The following BPHL variants were observed in gnomAD, a reference collection of about 807,000 sequenced individuals.
BPHL encodes the protein biphenyl hydrolase like.
In BPHL, 27 loss-of-function variants were observed where a neutral mutation model predicts 31.2. The observed-to-expected ratio is 0.87, with a 90% CI of 0.64 to 1.19. The LOEUF (loss-of-function observed/expected upper bound fraction) is 1.19. BPHL is among the 50% of genes most tolerant of loss of function. The probability of loss-of-function intolerance (pLI) is 0.00; values close to 1 mark genes in which losing one functional copy is unlikely to be tolerated. For missense variants in BPHL, 356 were observed against 375.7 expected (o/e 0.95, Z 0.43); for synonymous variants, 150 against 146.8 (o/e 1.02, Z -0.16).
chr6:3,134,983 C>T (rs537947471), intron 4 of BPHL, among the ~76,000 whole-genome samples: 13 of 152,060 alleles, frequency 8.5e-5, no homozygotes, highest in African/African-American at 2.9e-4. Flanking sequence ...GTAATCCACC[C>T]ACCTCAACCT....
intron 5 of BPHL, among the ~76,000 whole-genome samples, chr6:3,137,696 C>T (rs949180368): frequency 6.6e-6 from 1 of 152,172 alleles, no homozygotes; most frequent in Non-Finnish European, 1.5e-5. Flanking sequence ...GGTAGGACTG[C>T]GTGTCCAAAG....
intron 6 of BPHL, among the ~76,000 whole-genome samples, chr6:3,151,569 C>A (rs954808557): frequency 8.5e-5 from 13 of 152,122 alleles, no homozygotes; most frequent in Admixed American, 2.0e-4. Context: ...GTCAGCCCCC[C>A]AGTATTGAAA....
intron 4 of BPHL, among the ~76,000 whole-genome samples, chr6:3,129,906 A>G (rs1223211007): frequency 1.3e-5 from 2 of 149,804 alleles, no homozygotes. Flanking sequence ...TCCTGGATTC[A>G]AGCGATTCTC....
At chr6:3,148,788 A>T (rs1161837912) in intron 6 of BPHL, among the ~76,000 whole-genome samples, 1 of 152,228 alleles carries the variant, frequency 6.6e-6, no homozygotes, top group Non-Finnish European at 1.5e-5. Context: ...TTTCAAAAAC[A>T]GTGTGGTCTG....
intron 1 of BPHL, among the ~76,000 whole-genome samples, chr6:3,121,592 C>T (rs773218377): frequency 4.6e-5 from 7 of 152,130 alleles, no homozygotes; most frequent in Non-Finnish European, 7.3e-5. Flanking sequence ...ATCGGGATTA[C>T]AGGTGTGAGC....
chr6:3,146,276 AGT>A (rs1762355032), intron 6 of BPHL, among the ~76,000 whole-genome samples: 1 of 45,610 alleles, frequency 2.2e-5, no homozygotes, highest in African/African-American at 8.2e-5. Flanking sequence ...TTCGGGTCGG[AGT>A]GCTGGTTCGG....
upstream of BPHL, chr6:3,118,499 G>T: frequency 2.8e-6 from 1 of 358,496 alleles, no homozygotes; most frequent in Non-Finnish European, 5.0e-6. Context: ...AGCCAGCACC[G>T]AGAGGGGACG....
At chr6:3,148,115 C>A (rs763480571) in intron 6 of BPHL, among the ~76,000 whole-genome samples, 5 of 152,218 alleles carry the variant, frequency 3.3e-5, no homozygotes, top group Non-Finnish European at 7.3e-5. Context: ...GTAGCCCAGT[C>A]AAGTTGACAC....
In BPHL at chr6:3,140,277, G is replaced by A. The variant is rs1762135372; in HGVS notation, c.665-109G>A. The A allele has an allele frequency of 2.1e-5, 29 of 1,412,992 alleles. No homozygotes were observed. The South Asian group carries it at 3.7e-4, about 18-fold the overall frequency. The allele number at this position is 1,412,992 out of a possible 1,614,324, so 87.5% of individuals were successfully genotyped here. Reference sequence around the variant, plus strand: ...TCAAATCCAAAACACAGTTTTTACGGATAGGGAAACTGAGGGCCAAGGAGG... The same window carrying A: ...TCAAATCCAAAACACAGTTTTTACGAATAGGGAAACTGAGGGCCAAGGAGG... On this transcript the variant is annotated intron_variant, in intron 5 of 6. Transcript: ENST00000380379. The surrounding 1 kb of genome is among the most constrained non-coding windows in gnomAD (Gnocchi z 5.2).
chr6:3,153,568 C>A lies in BPHL; in HGVS notation c.*993C>A. The A allele has an allele frequency of 1.9e-6, 1 of 515,954 alleles. No homozygotes were observed. The highest frequency in any genetic ancestry group is 3.4e-6 in the Non-Finnish European group (1 of 295,052). The allele number at this position is 515,954 out of a possible 1,614,324, so 32.0% of individuals were successfully genotyped here. ...GCTATTAAAATTAAACTTTGATTAC[C>A]ACAATAAAAACAGTAGCAAGTTAAA... On this transcript the variant is annotated 3_prime_UTR_variant, in exon 7 of 7. Coordinates refer to ENST00000380379, the MANE Select transcript of BPHL (RefSeq NM_004332.4).
chr6:3,118,637 G>A (rs943243282), upstream of BPHL: 3 of 790,960 alleles, frequency 3.8e-6, no homozygotes, highest in Non-Finnish European at 5.1e-6. Context: ...GGATGGAGAG[G>A]CGAGGTGGGC....
In BPHL at chr6:3,140,209, G is replaced by A. The variant is rs1213505950; in HGVS notation, c.665-177G>A. On this transcript the variant is annotated intron_variant, in intron 5 of 6. Transcript: ENST00000380379. This position sits in a 1 kb window ranked among gnomAD's most constrained non-coding sequence, Gnocchi z 5.2. Reference sequence around the variant, plus strand: ...CAAGAAACAGAGAGAAACAGAAAAGGGAACCCAAAGAATGTTAGAGCTGGA... The same window carrying A: ...CAAGAAACAGAGAGAAACAGAAAAGAGAACCCAAAGAATGTTAGAGCTGGA... 4.2e-6 allele frequency: 3 copies of A among 713,390 alleles called. No individual in the cohort carries two copies. Among genetic ancestry groups the A allele is most frequent in the African/African-American group, 3.6e-5 (2 of 55,358 alleles). 44.2% of individuals were successfully genotyped at this position (713,390 alleles called of 1,614,324 possible). A position where few individuals can be genotyped will look rare whatever the true frequency, so the allele number is the denominator to read the frequency against.
chr6:3,144,027 G>T (rs146097056), intron 6 of BPHL, among the ~76,000 whole-genome samples: 2 of 152,226 alleles, frequency 1.3e-5, no homozygotes, highest in Non-Finnish European at 2.9e-5. Context: ...CCAGTTGCTC[G>T]CTCACCTATC....
In BPHL at chr6:3,152,909, G is replaced by A. The variant is rs1460611432; in HGVS notation, c.*334G>A. ...TAGCCAGGCGAAGTGGCACACATCT[G>A]TGGTCCCAGGTGCTCAGGAAGCTGA... On this transcript the variant is annotated 3_prime_UTR_variant, in exon 7 of 7. Coordinates refer to ENST00000380379, the MANE Select transcript of BPHL (RefSeq NM_004332.4). The A allele has an allele frequency of 5.7e-6, 1 of 176,910 alleles. No homozygotes were observed. Among genetic ancestry groups the A allele is most frequent in the Admixed American group, 6.3e-5 (1 of 15,956 alleles). The allele number at this position is 176,910 out of a possible 1,614,324, so 11.0% of individuals were successfully genotyped here.
chr6:3,129,057 A>G lies in BPHL; in HGVS notation c.391A>G (p.Lys131Glu), dbSNP rs757783695. The G allele has an allele frequency of 6.2e-7, 1 of 1,613,928 alleles. No homozygotes were observed. Among genetic ancestry groups the G allele is most frequent in the African/African-American group, 1.3e-5 (1 of 74,948 alleles). The change falls in exon 4 of 7, where the codon AAG becomes GAG. Residue 131 changes from lysine to glutamate, a missense_variant. Coordinates refer to ENST00000380379, the MANE Select transcript of BPHL (RefSeq NM_004332.4). ...CGTATGATCATAGGCGCTGAAGTTT[A>G]AGAAGGTTTCTCTGCTGGGGTGGAG... Reference protein sequence around the residue: ...AVDLMKALKFKKVSLLGWSDG... With the variant: ...AVDLMKALKFEKVSLLGWSDG...
upstream of BPHL, chr6:3,118,571 T>A (rs978798831): frequency 3.5e-5 from 16 of 457,004 alleles, no homozygotes; most frequent in African/African-American, 2.8e-4. Flanking sequence ...CGGTCGCCCA[T>A]GGGAAAGCAC....
chr6:3,142,039 T>A (rs1762190751), intron 6 of BPHL, among the ~76,000 whole-genome samples: 1 of 152,176 alleles, frequency 6.6e-6, no homozygotes, highest in East Asian at 1.9e-4. Context: ...CTAGACTTTA[T>A]AAAATTATAA....
chr6:3,132,163 G>A (rs1433054927), intron 4 of BPHL, among the ~76,000 whole-genome samples: 4 of 152,154 alleles, frequency 2.6e-5, no homozygotes, highest in African/African-American at 9.7e-5. Context: ...CTTGTGTCAA[G>A]ATGGCTGTGG....
chr6:3,144,394 T>G (rs12196134), intron 6 of BPHL, among the ~76,000 whole-genome samples: 11 of 135,138 alleles, frequency 8.1e-5, no homozygotes, highest in East Asian at 4.2e-4. Context: ...TTTTTTTGTT[T>G]TTTTTTTTAA....
Sources: allele counts gnomAD v4.1 joint callset (sites outside exome capture counted in the v4.1 genomes callset), GRCh38; gene constraint gnomAD v4.1.1; non-coding constraint Gnocchi (gnomAD v3.1); transcripts MANE v1.5; gene names NCBI Gene and HGNC (gene_info 2026-07-23, HGNC 2026-07-21).